The following GABRG3 variants were observed in gnomAD, a reference collection of about 807,000 sequenced individuals.
The protein encoded by GABRG3 is gamma-aminobutyric acid receptor subunit gamma-3.
A neutral mutation model predicts 48.8 loss-of-function variants in GABRG3; 25 were observed. The observed-to-expected ratio is 0.51, with a 90% CI of 0.37 to 0.72. The LOEUF (loss-of-function observed/expected upper bound fraction) is 0.72, where lower values mean the gene tolerates loss of function less well. Among genes scored for constraint, GABRG3 ranks in the 30% least tolerant of loss-of-function variants. The pLI is 0.00. For missense variants in GABRG3, 394 were observed against 577.9 expected, an observed-to-expected ratio of 0.68 and a Z score of 3.26; for synonymous variants, 227 against 217.6, an observed-to-expected ratio of 1.04 and a Z score of -0.38.
chr15:27,016,576 T>C (rs1485552531), intron 2 of GABRG3, among the ~76,000 whole-genome samples: 1 of 152,216 alleles, frequency 6.6e-6, no homozygotes, highest in Non-Finnish European at 1.5e-5. Flanking sequence ...TGTGTCTCTT[T>C]GTAGATCTCT....
At chr15:27,307,825 C>CATAAAAATATATAAA (rs1892704941) in intron 3 of GABRG3, among the ~76,000 whole-genome samples, 1 of 38,738 alleles carries the variant, frequency 2.6e-5, no homozygotes, top group Admixed American at 2.6e-4. Flanking sequence ...ATAAAATAAA[C>CATAAAAATATATAAA]ATAAACATAT....
chr15:27,440,940 C>T (rs1274260112), intron 5 of GABRG3, among the ~76,000 whole-genome samples: 1 of 152,184 alleles, frequency 6.6e-6, no homozygotes, highest in East Asian at 1.9e-4. Context: ...TAGAGATAAT[C>T]CTGCCTTGGT....
At chr15:27,310,130 A>G (rs1242294478) in intron 3 of GABRG3, among the ~76,000 whole-genome samples, 2 of 152,080 alleles carry the variant, frequency 1.3e-5, no homozygotes, top group Non-Finnish European at 2.9e-5. Context: ...AGTCACACAC[A>G]GAAAAGTAGA....
At chr15:27,178,725 G>A (rs1360637679) in intron 3 of GABRG3, among the ~76,000 whole-genome samples, 1 of 152,182 alleles carries the variant, frequency 6.6e-6, no homozygotes, top group African/African-American at 2.4e-5. Context: ...GTCATAGACT[G>A]AGTGGGAAAA....
At chr15:27,354,649 T>A (rs969666296) in intron 5 of GABRG3, among the ~76,000 whole-genome samples, 2 of 152,220 alleles carry the variant, frequency 1.3e-5, no homozygotes, top group African/African-American at 4.8e-5. Flanking sequence ...TTTTATGGGT[T>A]GCAGTAGCAG....
At chr15:27,158,350 T>C (rs1898488713) in intron 3 of GABRG3, 1 of 152,174 alleles carries the variant, frequency 6.6e-6, no homozygotes. Context: ...GTCAAGTCTG[T>C]CATTTGGTGC....
intron 6 of GABRG3, among the ~76,000 whole-genome samples, chr15:27,517,363 C>T (rs1891047148): frequency 6.6e-6 from 1 of 152,248 alleles, no homozygotes; most frequent in East Asian, 1.9e-4. Context: ...TACTGCCTCC[C>T]TCCTGCAAAG....
chr15:26,996,824 G>A (rs1034400551), intron 2 of GABRG3, among the ~76,000 whole-genome samples: 2 of 151,874 alleles, frequency 1.3e-5, no homozygotes, highest in Non-Finnish European at 2.9e-5. Context: ...TAATGTTTTT[G>A]TATTTTTTTA....
chr15:27,149,439 C>T (rs1898269599), intron 3 of GABRG3, among the ~76,000 whole-genome samples: 1 of 116,068 alleles, frequency 8.6e-6, no homozygotes, highest in African/African-American at 3.0e-5. Context: ...AGTAGAATCC[C>T]TGTCAAAATC....
chr15:27,487,627 T>G (rs1179283114), intron 6 of GABRG3, among the ~76,000 whole-genome samples: 1 of 152,238 alleles, frequency 6.6e-6, no homozygotes, highest in Admixed American at 6.5e-5. Flanking sequence ...AGTGTTGGAC[T>G]GTATATACCA....
intron 3 of GABRG3, among the ~76,000 whole-genome samples, chr15:27,139,859 A>G (rs1898073122): frequency 6.6e-6 from 1 of 152,128 alleles, no homozygotes; most frequent in Non-Finnish European, 1.5e-5. Context: ...CCCCACCCCC[A>G]ACCACTGGGG....
At chr15:27,308,448 T>TATA (rs1451959313) in intron 3 of GABRG3, among the ~76,000 whole-genome samples, 37 of 142,460 alleles carry the variant, frequency 2.6e-4, no homozygotes, top group African/African-American at 8.0e-4. Flanking sequence ...TATATAAACA[T>TATA]ATGCAAACAT....
In GABRG3 at chr15:27,101,679, A is replaced by G. The variant is rs111430921; in HGVS notation, c.270+74858A>G. Among the ~76,000 whole-genome samples, 826 of 152,168 alleles carry G rather than the reference A, an allele frequency of 5.4e-3. 9 individuals are homozygous for G. The highest frequency in any genetic ancestry group is 0.019 in the African/African-American group (776 of 41,510). On this transcript the variant is annotated intron_variant, in intron 3 of 9. Coordinates refer to ENST00000615808, the MANE Select transcript of GABRG3 (RefSeq NM_033223.5). ...AAGTGCAAGAGCAATTCAATGGAGG[A>G]AGAAGGCACTGGAACAACTGGGCAT...
intron 3 of GABRG3, among the ~76,000 whole-genome samples, chr15:27,035,088 A>G (rs764259961): frequency 3.3e-5 from 5 of 152,190 alleles, no homozygotes; most frequent in African/African-American, 4.8e-5. Flanking sequence ...GGAAGATGAA[A>G]GGACCACCAC....
At chr15:27,401,861 A>G (rs1321256701) in intron 5 of GABRG3, among the ~76,000 whole-genome samples, 2 of 152,176 alleles carry the variant, frequency 1.3e-5, no homozygotes, top group Admixed American at 6.5e-5. Flanking sequence ...TTTAAAGAGG[A>G]GAATCATGTC....
At chr15:27,526,201 CTT>C (rs1891272958) in intron 7 of GABRG3, among the ~76,000 whole-genome samples, 1 of 152,160 alleles carries the variant, frequency 6.6e-6, no homozygotes, top group African/African-American at 2.4e-5. Flanking sequence ...AGGTGATACT[CTT>C]TACACCTCTA....
chr15:27,076,472 C>A (rs1005091076), intron 3 of GABRG3, among the ~76,000 whole-genome samples: 1 of 151,970 alleles, frequency 6.6e-6, no homozygotes, highest in Non-Finnish European at 1.5e-5. Flanking sequence ...TATAGGCGTG[C>A]AGCACCACGC....
At chr15:27,272,830 G>A (rs1891133304) in intron 3 of GABRG3, among the ~76,000 whole-genome samples, 1 of 152,212 alleles carries the variant, frequency 6.6e-6, no homozygotes, top group Non-Finnish European at 1.5e-5. Flanking sequence ...GACATTATGA[G>A]TTTTAATAAT....
chr15:27,192,513 G>A (rs1224701124), intron 3 of GABRG3, among the ~76,000 whole-genome samples: 1 of 151,888 alleles, frequency 6.6e-6, no homozygotes, highest in African/African-American at 2.4e-5. Flanking sequence ...CCAGTTGATC[G>A]CATTGGCTCC....
Sources: gnomAD v4.1 joint callset for allele counts (sites outside exome capture counted in the v4.1 genomes callset) on GRCh38, gnomAD v4.1.1 for gene constraint, MANE v1.5 for transcripts, NCBI Gene and HGNC (gene_info 2026-07-23, HGNC 2026-07-21) for gene names.